The following FAM53A variants were observed in gnomAD, a reference collection of about 807,000 sequenced individuals.
FAM53A encodes the protein protein FAM53A.
A neutral mutation model predicts 26.6 loss-of-function variants in FAM53A; 28 were observed. The ratio of observed to expected loss-of-function variants is 1.05; its 90% CI spans 0.78 to 1.45. The LOEUF is 1.45. FAM53A is among the 40% of genes most tolerant of loss of function. FAM53A has a pLI of 0.00. For missense variants in FAM53A, 650 were observed against 575.8 expected, an observed-to-expected ratio of 1.13 and a Z score of -1.32; for synonymous variants, 290 against 253.1, an observed-to-expected ratio of 1.15 and a Z score of -1.38.
chr4:1,650,221 G>A (rs570630424), intron 4 of FAM53A, among the ~76,000 whole-genome samples: 1 of 142,780 alleles, frequency 7.0e-6, no homozygotes, highest in African/African-American at 2.7e-5. Context: ...ACATTTGACT[G>A]TGAGGTGGCA....
downstream of FAM53A, among the ~76,000 whole-genome samples, chr4:1,613,935 A>C (rs1367086175): frequency 6.6e-6 from 1 of 152,262 alleles, no homozygotes; most frequent in African/African-American, 2.4e-5. Context: ...CTGGGATCAC[A>C]TCAGCAGGCT....
chr4:1,616,418 C>T (rs1016273814), downstream of FAM53A, among the ~76,000 whole-genome samples: 3 of 143,350 alleles, frequency 2.1e-5, no homozygotes, highest in Non-Finnish European at 2.9e-5. Context: ...CTGGATGACA[C>T]GGGAGCCGAG....
intron 1 of FAM53A, among the ~76,000 whole-genome samples, chr4:1,623,112 C>T (rs1263520154): frequency 1.3e-5 from 2 of 152,220 alleles, no homozygotes; most frequent in Non-Finnish European, 2.9e-5. Flanking sequence ...GGCATGCGGT[C>T]CCCCACGCTG....
intron 1 of FAM53A, among the ~76,000 whole-genome samples, chr4:1,623,582 C>T (rs1715149107): frequency 6.6e-6 from 1 of 152,214 alleles, no homozygotes; most frequent in Non-Finnish European, 1.5e-5. Context: ...TGGGTGGCGG[C>T]TGCACGGTGA....
At chr4:1,603,211 G>A in the FAM53A span, among the ~76,000 whole-genome samples, 1 of 152,176 alleles carries the variant, frequency 6.6e-6, no homozygotes, top group Non-Finnish European at 1.5e-5. Flanking sequence ...GCAACAGCCT[G>A]CAGGCGTGGG....
chr4:1,580,211 G>A, the FAM53A span: 2 of 152,164 alleles, frequency 1.3e-5, no homozygotes, highest in African/African-American at 4.8e-5. Flanking sequence ...GCTGTCATCC[G>A]TCGATGATGG....
chr4:1,637,497 G>A (rs1715898811), downstream of FAM53A, among the ~76,000 whole-genome samples: 1 of 152,056 alleles, frequency 6.6e-6, no homozygotes, highest in African/African-American at 2.4e-5. Flanking sequence ...GGGAAGGGTG[G>A]GGAAGCCATC....
intron 2 of FAM53A, among the ~76,000 whole-genome samples, chr4:1,660,533 G>A (rs569956062): frequency 3.2e-4 from 49 of 151,942 alleles, no homozygotes; most frequent in African/African-American, 9.4e-4. Context: ...AGGCTGCAGC[G>A]AACGACTGAG....
intron 1 of FAM53A, among the ~76,000 whole-genome samples, chr4:1,682,513 G>A (rs1229218564): frequency 2.0e-5 from 3 of 151,726 alleles, no homozygotes; most frequent in East Asian, 3.9e-4. Context: ...TGCCCGCCTC[G>A]GCCTCTCAAA....
chr4:1,625,727 C>T (rs569049199), intron 1 of FAM53A, among the ~76,000 whole-genome samples: 13 of 141,896 alleles, frequency 9.2e-5, no homozygotes, highest in Admixed American at 2.8e-4. Flanking sequence ...GTCAGGGTCA[C>T]GCCAGGTGAT....
rs1482642334 is a variant in FAM53A at position 1,641,380 on chromosome 4, G to T, written c.1110C>A (p.Asp370Glu). The T allele has an allele frequency of 1.6e-5, 26 of 1,610,814 alleles. No homozygotes were observed. The highest frequency in any genetic ancestry group is 2.2e-5 in the Non-Finnish European group (26 of 1,179,070). The change falls in exon 5 of 5, where the codon GAC (aspartate) becomes GAA (glutamate). Residue 370 changes from aspartate (D) to glutamate (E), a missense_variant. Asp to Glu is a conservative substitution (Grantham distance 45). Coordinates refer to ENST00000308132, the MANE Select transcript of FAM53A (RefSeq NM_001174070.3). ...TSDGSRRSSG[D>E]PRDGDSVGEE... ...CCCCGACACTGTCCCCATCACGGGG[G>T]TCCCCGCTGCTCCTGCGGGAGCCAT...
At chr4:1,666,598 C>G (rs555154092) in intron 2 of FAM53A, among the ~76,000 whole-genome samples, 1 of 152,380 alleles carries the variant, frequency 6.6e-6, no homozygotes, top group East Asian at 1.9e-4. Flanking sequence ...CTGACGTCCA[C>G]TTGCCAAAAA....
At chr4:1,658,227 AG>A in intron 2 of FAM53A, among the ~76,000 whole-genome samples, 1 of 151,910 alleles carries the variant, frequency 6.6e-6, no homozygotes, top group East Asian at 1.9e-4. Context: ...TCACCGTGTC[AG>A]CCAGGATGGT....
At chr4:1,596,601 T>C in the FAM53A span, among the ~76,000 whole-genome samples, 1 of 152,168 alleles carries the variant, frequency 6.6e-6, no homozygotes, top group Non-Finnish European at 1.5e-5. Flanking sequence ...GCATGCCCTC[T>C]ACAGGGACCA....
At chr4:1,633,256 C>T (rs1389359511) in intron 1 of FAM53A, among the ~76,000 whole-genome samples, 2 of 152,226 alleles carry the variant, frequency 1.3e-5, no homozygotes, top group Non-Finnish European at 2.9e-5. Context: ...CCATAATTTA[C>T]ACCAATGCAA....
chr4:1,641,958 C>T (rs1009372090), intron 4 of FAM53A, among the ~76,000 whole-genome samples: 4 of 152,152 alleles, frequency 2.6e-5, no homozygotes, highest in African/African-American at 9.7e-5. Context: ...CAGGTGACAG[C>T]CTTATCCCAG....
intron 1 of FAM53A, among the ~76,000 whole-genome samples, chr4:1,621,056 C>T (rs1577080920): frequency 6.7e-6 from 1 of 150,092 alleles, no homozygotes; most frequent in Non-Finnish European, 1.5e-5. Flanking sequence ...AAAGAAGGAA[C>T]ACAAAGAACA....
chr4:1,625,835 A>G (rs1577085457), intron 1 of FAM53A, among the ~76,000 whole-genome samples: 1 of 151,928 alleles, frequency 6.6e-6, no homozygotes, highest in South Asian at 2.1e-4. Flanking sequence ...CGCCAAGTGG[A>G]GCCTTGGGGG....
At chr4:1,600,656 C>T in the FAM53A span, among the ~76,000 whole-genome samples, 2 of 152,182 alleles carry the variant, frequency 1.3e-5, no homozygotes, top group Admixed American at 1.3e-4. Flanking sequence ...CACTTCTTTT[C>T]TTTTTCTTTT....
Sources: allele counts gnomAD v4.1 joint callset (sites outside exome capture counted in the v4.1 genomes callset), GRCh38; gene constraint gnomAD v4.1.1; transcripts MANE v1.5; gene names NCBI Gene and HGNC (gene_info 2026-07-23, HGNC 2026-07-21).